Variants in MED13 observed in about 807,000 individuals in gnomAD.
MED13 encodes mediator of RNA polymerase II transcription subunit 13.
MED13 carries 23 observed loss-of-function variants against 225.2 expected under a neutral mutation model. That is an observed-to-expected ratio of 0.10 (90% CI 0.07 to 0.14). The LOEUF is 0.14. MED13 is among the 10% of genes least tolerant of loss of function. The pLI is 1.00. For synonymous variants in MED13, 942 were observed against 889.2 expected (o/e 1.06, Z -1.06); for missense variants, 2,197 against 2,594.5 (o/e 0.85, Z 3.33).
At chr17:62,004,957 T>A (rs1376855474) in intron 9 of MED13, 2 of 149,860 alleles carry the variant, frequency 1.3e-5, no homozygotes, top group South Asian at 2.1e-4. Context: ...TGGAGTGCAG[T>A]GGAGTGATCT....
chr17:61,968,606 T>G (rs988840813), intron 17 of MED13, among the ~76,000 whole-genome samples: 2 of 151,700 alleles, frequency 1.3e-5, no homozygotes, highest in African/African-American at 4.8e-5. Flanking sequence ...ATTACAGGTG[T>G]GAGCCACCAT....
chr17:61,991,907 A>C (rs1405614188), intron 11 of MED13, among the ~76,000 whole-genome samples: 1 of 152,190 alleles, frequency 6.6e-6, no homozygotes, highest in Non-Finnish European at 1.5e-5. Flanking sequence ...TGGCCTCCCA[A>C]AGTGCTGGGA....
In MED13 at chr17:61,943,355, A is replaced by T. The variant is rs1215198426; in HGVS notation, c.*3113T>A. 6.6e-6 allele frequency: 1 copy of T among 152,634 alleles called. No individual in the cohort carries two copies. Among genetic ancestry groups the T allele is most frequent in the Non-Finnish European group, 1.5e-5 (1 of 68,008 alleles). 9.5% of individuals were successfully genotyped at this position (152,634 alleles called of 1,614,324 possible). A position where few individuals can be genotyped will look rare whatever the true frequency, so the allele number is the denominator to read the frequency against. On this transcript the variant is annotated 3_prime_UTR_variant, in exon 30 of 30. Coordinates refer to ENST00000397786, the MANE Select transcript of MED13 (RefSeq NM_005121.3). ...TCTATTCAATTTGAACATTTTAAAT[A>T]ATGCAACATAGTATTCTGATATTAC... is the stretch of plus-strand genomic sequence containing the variant.
chr17:61,962,492 T>C (rs952372790), intron 21 of MED13, among the ~76,000 whole-genome samples: 2 of 152,208 alleles, frequency 1.3e-5, no homozygotes, highest in African/African-American at 4.8e-5. Context: ...AATTTAAAAA[T>C]TGGCTTATAA....
intron 4 of MED13, among the ~76,000 whole-genome samples, chr17:62,034,516 C>CA (rs2080785722): frequency 6.7e-6 from 1 of 149,964 alleles, no homozygotes; most frequent in Non-Finnish European, 1.5e-5. Flanking sequence ...ATTGTCTGCC[C>CA]AAACTCTTAA....
At position 62,031,527 on chromosome 17, in the gene MED13, T is replaced by G. The variant is rs1603405463; in HGVS notation, c.926A>C (p.His309Pro). 2.5e-6 allele frequency: 4 copies of G among 1,613,902 alleles called. No individual in the cohort carries two copies. Among genetic ancestry groups the G allele is most frequent in the Non-Finnish European group, 2.5e-6 (3 of 1,179,940 alleles). Reference protein sequence around the residue: ...THCSSSCLGVHQVPASTRDPA... With the variant: ...THCSSSCLGVPQVPASTRDPA... ...ATCTCTTGTGGAAGCAGGCACTTGG[T>G]GGACACCCAAGCAAGAAGATGAACA... The change falls in exon 6 of 30, where the codon CAC becomes CCC. Residue 309 changes from histidine to proline, a missense_variant. Transcript: ENST00000397786.
chr17:61,988,393 T>C (rs1014040341), intron 11 of MED13, among the ~76,000 whole-genome samples: 2 of 152,206 alleles, frequency 1.3e-5, no homozygotes, highest in African/African-American at 4.8e-5. Flanking sequence ...GAAAAACAAT[T>C]TGATACATAA....
chr17:62,031,411 T>C, intron 6 of MED13, 33 bp downstream of exon 6: 1 of 1,481,416 alleles, frequency 6.8e-7, no homozygotes, highest in Non-Finnish European at 9.0e-7. Context: ...AATAACAAAT[T>C]ACCAGAGCTG....
At chr17:62,001,053 C>A (rs760578965) in intron 9 of MED13, among the ~76,000 whole-genome samples, 2 of 152,012 alleles carry the variant, frequency 1.3e-5, no homozygotes, top group Admixed American at 1.3e-4. Flanking sequence ...TGAGTCACTG[C>A]GCCCAGCCTA....
chr17:62,023,227 CCAAAT>C (rs1004717610), intron 8 of MED13, among the ~76,000 whole-genome samples: 1 of 151,430 alleles, frequency 6.6e-6, no homozygotes, highest in Non-Finnish European at 1.5e-5. Context: ...TTTTTTCTTC[CCAAAT>C]CAATTTTTAA....
In MED13 at chr17:62,063,051, G is replaced by T; in HGVS notation, c.301+16C>A. 1 of 1,577,806 alleles carries T rather than the reference G, an allele frequency of 6.3e-7. No individual in the cohort carries two copies. The highest frequency in any genetic ancestry group is 2.2e-5 in the East Asian group (1 of 44,686). ...TGTTGCTATATCATTAGTTAGAAAT[G>T]GAAAGTTTCTTTCACCTGATAAGTC... On this transcript the variant is annotated intron_variant, in intron 2 of 29. Transcript: ENST00000397786.
At chr17:62,027,357 G>C (rs1352419286) in intron 8 of MED13, among the ~76,000 whole-genome samples, 18 of 152,166 alleles carry the variant, frequency 1.2e-4, no homozygotes. Context: ...TTCAATAAAT[G>C]GTGCTGGTAT....
chr17:62,025,407 C>T (rs1016497718), intron 8 of MED13, among the ~76,000 whole-genome samples: 3 of 152,148 alleles, frequency 2.0e-5, no homozygotes, highest in African/African-American at 7.2e-5. Context: ...GTGGCTCACA[C>T]CTATAATCCC....
chr17:61,996,060 G>A (rs2080344288), intron 9 of MED13, among the ~76,000 whole-genome samples: 1 of 152,004 alleles, frequency 6.6e-6, no homozygotes, highest in Non-Finnish European at 1.5e-5. Flanking sequence ...TAAAATGACA[G>A]GAGATGACAG....
At position 61,956,615 on chromosome 17, in the gene MED13, T is replaced by C. The variant is rs889514231; in HGVS notation, c.5481-134A>G. The stretch of plus-strand genomic sequence containing the variant: ...GTGCAGTGGTGCGATCTCGGCTCAC[T>C]GCAACCTCCACCTTCACGGGTTTAA... On this transcript the variant is annotated intron_variant, in intron 23 of 29. Transcript: ENST00000397786. The C allele has an allele frequency of 3.9e-6, 3 of 760,074 alleles. No homozygotes were observed. In the Admixed American group the frequency reaches 9.2e-5, roughly 23 times the overall value. The allele number at this position is 760,074 out of a possible 1,614,324, so 47.1% of individuals were successfully genotyped here. A position where few individuals can be genotyped will look rare whatever the true frequency, so the allele number is the denominator to read the frequency against.
chr17:62,020,516 A>G (rs1488187982), intron 8 of MED13, among the ~76,000 whole-genome samples: 1 of 152,004 alleles, frequency 6.6e-6, no homozygotes, highest in Non-Finnish European at 1.5e-5. Flanking sequence ...AGCTGGGACT[A>G]CAGGTGTGCA....
Position 61,982,997 on chromosome 17 carries a change from A to G in MED13, c.3006T>C (p.Pro1002=), listed in dbSNP as rs1447632429. 2 of 1,614,144 alleles carry G rather than the reference A, an allele frequency of 1.2e-6. No individual in the cohort carries two copies. The highest frequency in any genetic ancestry group is 2.2e-5 in the East Asian group (1 of 44,890). The part of the protein sequence containing the change: ...PPSNSGAGIL[P]SPSTPRFPTP... Reference sequence around the variant, plus strand: ...TTGGAAACCGAGGGGTGGATGGAGAAGGAAGAATTCCTGCTCCGCTGTTAC... The same window carrying G: ...TTGGAAACCGAGGGGTGGATGGAGAGGGAAGAATTCCTGCTCCGCTGTTAC... Residue 1002 remains proline, a synonymous_variant, in exon 16 of 30, where the codon CCT becomes CCC. Coordinates refer to ENST00000397786, the MANE Select transcript of MED13 (RefSeq NM_005121.3).
intron 11 of MED13, 105 bp from the exon 12 acceptor site, chr17:61,987,233 AG>A: frequency 5.1e-6 from 3 of 583,844 alleles, no homozygotes; most frequent in Non-Finnish European, 8.2e-6. Context: ...TCAGGAGTTC[AG>A]GACCAGCCTG....
intron 2 of MED13, among the ~76,000 whole-genome samples, chr17:62,053,879 TA>T (rs1226092872): frequency 6.6e-6 from 1 of 152,222 alleles, no homozygotes; most frequent in African/African-American, 2.4e-5. Flanking sequence ...AAACATTAAC[TA>T]AAAAGTATGA....
Sources: allele counts gnomAD v4.1 joint callset (sites outside exome capture counted in the v4.1 genomes callset), GRCh38; gene constraint gnomAD v4.1.1; transcripts MANE v1.5; gene names NCBI Gene and HGNC (gene_info 2026-07-23, HGNC 2026-07-21).